OR5L1: variants seen among roughly 807,000 people sequenced by gnomAD.
OR5L1 encodes olfactory receptor family 5 subfamily L member 1.
For synonymous variants in OR5L1, 197 were observed against 146.6 expected (o/e 1.34, Z -2.49); for missense variants, 398 against 365.8 (o/e 1.09, Z -0.72).
rs1188503310 is a variant in OR5L1 at position 55,811,663 on chromosome 11, T to C, written c.197T>C (p.Leu66Ser). 3.7e-6 allele frequency: 6 copies of C among 1,613,946 alleles called. No individual in the cohort carries two copies. The highest frequency in any genetic ancestry group is 5.1e-6 in the Non-Finnish European group (6 of 1,180,042). Residue 66 changes from leucine to serine, a missense_variant, in exon 1 of 1, where the codon TTG (leucine) becomes TCG (serine). By Grantham distance (145) the Leu-to-Ser change is moderately radical. Coordinates refer to ENST00000625203, the MANE Select transcript of OR5L1 (RefSeq NM_001004738.2). ...CCCATGTACTTTTTCCTCAGCCACT[T>C]GTCCTCTGTAGATTTCTGCTACTCC... ...HTPMYFFLSH[L>S]SSVDFCYSSI...
chr11:55,812,129 T>C lies in OR5L1; in HGVS notation c.663T>C (p.Ile221=), dbSNP rs1480742557. The C allele has an allele frequency of 1.9e-6, 3 of 1,613,948 alleles. No homozygotes were observed. Among genetic ancestry groups the C allele is most frequent in the Non-Finnish European group, 2.5e-6 (3 of 1,180,022 alleles). Residue 221 remains isoleucine, a synonymous_variant, in exon 1 of 1, where the codon ATT becomes ATC. Transcript: ENST00000625203. ...TCATCCTCACCTCCTACCTGCTAAT[T>C]CTCACCACCATCCTGAAGATGGGCT... The part of the protein sequence containing the change: ...IMIILTSYLL[I]LTTILKMGSA...
chr11:55,811,658 C>G lies in OR5L1; in HGVS notation c.192C>G (p.Ser64Arg), dbSNP rs750996601. Residue 64 changes from serine to arginine, a missense_variant, in exon 1 of 1, where the codon AGC becomes AGG. Transcript: ENST00000625203. ...ACACCCCCATGTACTTTTTCCTCAG[C>G]CACTTGTCCTCTGTAGATTTCTGCT... ...RLHTPMYFFL[S>R]HLSSVDFCYS... The G allele has an allele frequency of 1.2e-5, 20 of 1,614,024 alleles. No individual in the cohort carries two copies. In the South Asian group the frequency reaches 2.0e-4, roughly 16 times the overall value.
chr11:55,811,493 G>A lies in OR5L1; in HGVS notation c.27G>A (p.Val9=), dbSNP rs1413654454. ...TGGGCAAGGAAAACTGCACCACTGT[G>A]GCTGAGTTCATTCTCCTTGGACTAT... The part of the protein sequence containing the change: MGKENCTT[V]AEFILLGLSD... Residue 9 remains valine, a synonymous_variant, in exon 1 of 1, where the codon GTG becomes GTA. Transcript: ENST00000625203. 3.1e-6 allele frequency: 5 copies of A among 1,613,602 alleles called. No homozygotes were observed. The highest frequency in any genetic ancestry group is 1.7e-4 in the Middle Eastern group (1 of 6,056).
chr11:55,811,862 C>A lies in OR5L1; in HGVS notation c.396C>A (p.Tyr132Ter), dbSNP rs1440713624. The part of the protein sequence containing the change: ...RFVAICNPLL[Y>*]TVTMSWKVRV... ...TGGCCATCTGTAACCCTTTGCTATA[C>A]ACAGTCACCATGTCTTGGAAGGTGC... The change falls in exon 1 of 1, where the codon TAC becomes TAA. Residue 132 changes from tyrosine (Y) to a stop codon, truncating the protein, a stop_gained. Coordinates refer to ENST00000625203, the MANE Select transcript of OR5L1 (RefSeq NM_001004738.2). LOFTEE classifies it low-confidence loss of function (END_TRUNC). 1.9e-6 allele frequency: 3 copies of A among 1,613,890 alleles called. No individual in the cohort carries two copies. The highest frequency in any genetic ancestry group is 2.7e-5 in the African/African-American group (2 of 74,772).
Position 55,811,900 on chromosome 11 carries a change from C to T in OR5L1, c.434C>T (p.Ala145Val). 1.2e-6 allele frequency: 2 copies of T among 1,613,984 alleles called. No homozygotes were observed. Among genetic ancestry groups the T allele is most frequent in the Non-Finnish European group, 8.5e-7 (1 of 1,180,034 alleles). ...TCTTGGAAGGTGCGTGTGGAGCTGG[C>T]TTCTTGCTGCTACTTCTGTGGGACG... ...TMSWKVRVEL[A>V]SCCYFCGTVC... The change falls in exon 1 of 1, where the codon GCT (alanine) becomes GTT (valine). Residue 145 changes from alanine to valine, a missense_variant. Physicochemically the swap from Ala to Val is moderately conservative, Grantham distance 64. Coordinates refer to ENST00000625203, the MANE Select transcript of OR5L1 (RefSeq NM_001004738.2).
At position 55,811,384 on chromosome 11, in the gene OR5L1, T is replaced by C. The variant is rs1853684238; in HGVS notation, c.-83T>C. The C allele has an allele frequency of 3.5e-6, 5 of 1,431,292 alleles. No individual in the cohort carries two copies. The highest frequency in any genetic ancestry group is 4.6e-5 in the East Asian group (2 of 43,704). 88.7% of individuals were successfully genotyped at this position (1,431,292 alleles called of 1,614,324 possible). A position where few individuals can be genotyped will look rare whatever the true frequency, so the allele number is the denominator to read the frequency against. Reference sequence around the variant, plus strand: ...CTTTTTCTGGTGTCTTTTTACAGGATACAGCCAAAACTAAAATTTAGACTA... The same window carrying C: ...CTTTTTCTGGTGTCTTTTTACAGGACACAGCCAAAACTAAAATTTAGACTA... On this transcript the variant is annotated 5_prime_UTR_variant, in exon 1 of 1. Transcript: ENST00000625203.
rs1390395495 is a variant in OR5L1 at position 55,811,436 on chromosome 11, C to A, written c.-31C>A. On this transcript the variant is annotated 5_prime_UTR_variant, in exon 1 of 1. Transcript: ENST00000625203. ...ATAATGGAGAATAATTTTTAAGTTT[C>A]TTTTCCTCCAATCTCATATAAATTG... 3.8e-6 allele frequency: 6 copies of A among 1,572,908 alleles called. No individual in the cohort carries two copies. The Admixed American group carries it at 7.6e-5, about 20-fold the overall frequency.
Position 55,811,949 on chromosome 11 carries a change from C to A in OR5L1, c.483C>A (p.Cys161Ter), listed in dbSNP as rs774903235. 5.0e-6 allele frequency: 8 copies of A among 1,613,954 alleles called. No homozygotes were observed. The highest frequency in any genetic ancestry group is 6.8e-6 in the Non-Finnish European group (8 of 1,180,002). ...CGTVCSLIHL[C>*]LALRIPFYRS... ...CGGTGTGTTCTCTGATTCATTTGTG[C>A]TTAGCTCTTAGGATCCCCTTCTATA... The change falls in exon 1 of 1, where the codon TGC becomes TGA. Residue 161 changes from cysteine (C) to a stop codon, truncating the protein, a stop_gained. Transcript: ENST00000625203. LOFTEE classifies it low-confidence loss of function (END_TRUNC).
In OR5L1 at chr11:55,812,123, G is replaced by A. The variant is rs773458107; in HGVS notation, c.657G>A (p.Leu219=). Residue 219 remains leucine (L), a synonymous_variant, in exon 1 of 1, where the codon CTG becomes CTA. Coordinates refer to ENST00000625203, the MANE Select transcript of OR5L1 (RefSeq NM_001004738.2). ...TCATGATCATCCTCACCTCCTACCT[G>A]CTAATTCTCACCACCATCCTGAAGA... ...VTIMIILTSY[L]LILTTILKMG... is the part of the protein sequence containing the mutation. The A allele has an allele frequency of 2.1e-5, 34 of 1,613,810 alleles. No individual in the cohort carries two copies. Among genetic ancestry groups the A allele is most frequent in the Non-Finnish European group, 2.9e-5 (34 of 1,180,030 alleles).
Position 55,811,916 on chromosome 11 carries a change from C to T in OR5L1, c.450C>T (p.Phe150=), listed in dbSNP as rs1014772413. 1 of 1,613,846 alleles carries T rather than the reference C, an allele frequency of 6.2e-7. No homozygotes were observed. The highest frequency in any genetic ancestry group is 1.3e-5 in the African/African-American group (1 of 74,762). Residue 150 remains phenylalanine, a synonymous_variant, in exon 1 of 1, where the codon TTC becomes TTT. Coordinates refer to ENST00000625203, the MANE Select transcript of OR5L1 (RefSeq NM_001004738.2). ...VRVELASCCY[F]CGTVCSLIHL... ...TGGAGCTGGCTTCTTGCTGCTACTT[C>T]TGTGGGACGGTGTGTTCTCTGATTC...
Position 55,811,679 on chromosome 11 carries a change from C to G in OR5L1, c.213C>G (p.Phe71Leu). 1 of 1,614,062 alleles carries G rather than the reference C, an allele frequency of 6.2e-7. No individual in the cohort carries two copies. The highest frequency in any genetic ancestry group is 8.5e-7 in the Non-Finnish European group (1 of 1,180,030). Residue 71 changes from phenylalanine (F) to leucine (L), a missense_variant, in exon 1 of 1, where the codon TTC becomes TTG. By Grantham distance (22) the Phe-to-Leu change is conservative (BLOSUM62 0). Coordinates refer to ENST00000625203, the MANE Select transcript of OR5L1 (RefSeq NM_001004738.2). ...TCAGCCACTTGTCCTCTGTAGATTT[C>G]TGCTACTCCTCAATAATTGTGCCAA... The part of the protein sequence containing the change: ...FFLSHLSSVD[F>L]CYSSIIVPKM...
chr11:55,812,222 T>G lies in OR5L1; in HGVS notation c.756T>G (p.His252Gln), dbSNP rs1336459372. Residue 252 changes from histidine to glutamine, a missense_variant, in exon 1 of 1, where the codon CAT becomes CAG. Transcript: ENST00000625203. ...ASHLTAITVF[H>Q]GTVLSIYCRP... is the part of the protein sequence containing the mutation. The stretch of plus-strand genomic sequence containing the variant: ...ACCTCACAGCTATCACTGTCTTCCA[T>G]GGAACAGTCCTTTCCATTTATTGCA... 2.5e-6 allele frequency: 4 copies of G among 1,613,950 alleles called. No individual in the cohort carries two copies. In the Admixed American group the frequency reaches 5.0e-5, roughly 20 times the overall value.
Position 55,812,240 on chromosome 11 carries a change from T to G in OR5L1, c.774T>G (p.Ile258Met). 6.2e-7 allele frequency: 1 copy of G among 1,613,826 alleles called. No homozygotes were observed. Residue 258 changes from isoleucine (I) to methionine (M), a missense_variant, in exon 1 of 1, where the codon ATT (isoleucine) becomes ATG (methionine). Coordinates refer to ENST00000625203, the MANE Select transcript of OR5L1 (RefSeq NM_001004738.2). ...ITVFHGTVLSIYCRPSSGNSG... is the reference protein window; with the variant it reads ...ITVFHGTVLSMYCRPSSGNSG... ...TCTTCCATGGAACAGTCCTTTCCAT[T>G]TATTGCAGGCCCAGTTCAGGCAATA...
Position 55,812,404 on chromosome 11 carries a change from G to A in OR5L1, c.*2G>A, listed in dbSNP as rs556607867. On this transcript the variant is annotated 3_prime_UTR_variant, in exon 1 of 1. Transcript: ENST00000625203. ...ATGGGCTCCAAAATTCACTCCTAGG[G>A]AAGATTTTATTAGCACAATTCAGGA... 2 of 1,591,848 alleles carry A rather than the reference G, an allele frequency of 1.3e-6. No individual in the cohort carries two copies. The highest frequency in any genetic ancestry group is 1.2e-5 in the South Asian group (1 of 85,960).
Position 55,811,903 on chromosome 11 carries a change from C to T in OR5L1, c.437C>T (p.Ser146Phe), listed in dbSNP as rs1838208777. The T allele has an allele frequency of 1.9e-6, 3 of 1,613,970 alleles. No homozygotes were observed. Among genetic ancestry groups the T allele is most frequent in the Non-Finnish European group, 2.5e-6 (3 of 1,180,016 alleles). ...MSWKVRVELA[S>F]CCYFCGTVCS... ...TGGAAGGTGCGTGTGGAGCTGGCTT[C>T]TTGCTGCTACTTCTGTGGGACGGTG... Residue 146 changes from serine to phenylalanine, a missense_variant, in exon 1 of 1, where the codon TCT becomes TTT. Physicochemically the swap from Ser to Phe is radical, Grantham distance 155 (BLOSUM62 -2). Coordinates refer to ENST00000625203, the MANE Select transcript of OR5L1 (RefSeq NM_001004738.2).
rs767302760 is a variant in OR5L1 at position 55,811,642 on chromosome 11, T to A, written c.176T>A (p.Met59Lys). The stretch of plus-strand genomic sequence containing the variant: ...GTCAGCTCTCGGCTCCACACCCCCA[T>A]GTACTTTTTCCTCAGCCACTTGTCC... ...IQVSSRLHTP[M>K]YFFLSHLSSV... The change falls in exon 1 of 1, where the codon ATG becomes AAG. Residue 59 changes from methionine (M) to lysine (K), a missense_variant. Coordinates refer to ENST00000625203, the MANE Select transcript of OR5L1 (RefSeq NM_001004738.2). 9.9e-6 allele frequency: 16 copies of A among 1,613,900 alleles called. No homozygotes were observed. In the Admixed American group the frequency reaches 1.0e-4, roughly 10 times the overall value.
rs749508909 is a variant in OR5L1 at position 55,812,133 on chromosome 11, A to C, written c.667A>C (p.Thr223Pro). The change falls in exon 1 of 1, where the codon ACC becomes CCC. Residue 223 changes from threonine (T) to proline (P), a missense_variant. Physicochemically the swap from Thr to Pro is conservative, Grantham distance 38. Coordinates refer to ENST00000625203, the MANE Select transcript of OR5L1 (RefSeq NM_001004738.2). ...IILTSYLLIL[T>P]TILKMGSAEG... ...CCTCACCTCCTACCTGCTAATTCTC[A>C]CCACCATCCTGAAGATGGGCTCTGC... 6.2e-7 allele frequency: 1 copy of C among 1,613,726 alleles called. No homozygotes were observed. The highest frequency in any genetic ancestry group is 1.1e-5 in the South Asian group (1 of 91,060).
At position 55,811,868 on chromosome 11, in the gene OR5L1, C is replaced by G. The variant is rs772480879; in HGVS notation, c.402C>G (p.Val134=). Residue 134 remains valine (V), a synonymous_variant, in exon 1 of 1, where the codon GTC becomes GTG. Transcript: ENST00000625203. ...TCTGTAACCCTTTGCTATACACAGTCACCATGTCTTGGAAGGTGCGTGTGG... is the reference window on the plus strand; with the variant it reads ...TCTGTAACCCTTTGCTATACACAGTGACCATGTCTTGGAAGGTGCGTGTGG... ...VAICNPLLYT[V]TMSWKVRVEL... is the part of the protein sequence containing the mutation. The G allele has an allele frequency of 1.2e-5, 19 of 1,613,862 alleles. No homozygotes were observed. Among genetic ancestry groups the G allele is most frequent in the South Asian group, 5.5e-5 (5 of 91,080 alleles).
chr11:55,811,959 A>C lies in OR5L1; in HGVS notation c.493A>C (p.Arg165=). 6.2e-7 allele frequency: 1 copy of C among 1,613,938 alleles called. No homozygotes were observed. The highest frequency in any genetic ancestry group is 2.2e-5 in the East Asian group (1 of 44,868). The change falls in exon 1 of 1, where the codon AGG becomes CGG. Residue 165 remains arginine, a synonymous_variant. Transcript: ENST00000625203. The part of the protein sequence containing the change: ...CSLIHLCLAL[R]IPFYRSNVIN... ...TCTGATTCATTTGTGCTTAGCTCTT[A>C]GGATCCCCTTCTATAGATCTAATGT... is the stretch of plus-strand genomic sequence containing the variant.
Sources: allele counts gnomAD v4.1 joint callset, GRCh38; gene constraint gnomAD v4.1.1; transcripts MANE v1.5; gene names NCBI Gene and HGNC (gene_info 2026-07-23, HGNC 2026-07-21).